The following TTC31 variants were observed in gnomAD, a reference collection of about 807,000 sequenced individuals.
TTC31 encodes the protein tetratricopeptide repeat protein 31.
In TTC31, 59 loss-of-function variants were observed where a neutral mutation model predicts 60.4. The ratio of observed to expected loss-of-function variants is 0.98; its 90% CI spans 0.79 to 1.21. TTC31 has a LOEUF of 1.21. Ranked by LOEUF, TTC31 falls within the 50% of genes most tolerant of loss-of-function variation. The pLI is 0.00. For synonymous variants in TTC31, 225 were observed against 249.6 expected (o/e 0.90, Z 0.93); for missense variants, 672 against 646.9 (o/e 1.04, Z -0.42).
intron 5 of TTC31, 113 bp from the exon 6 acceptor site, chr2:74,491,015 A>T (rs1673801635): frequency 1.4e-6 from 2 of 1,420,598 alleles, no homozygotes; most frequent in South Asian, 2.4e-5. Context: ...CAAAATGAGG[A>T]TAATAATGAT....
At position 74,492,013 on chromosome 2, in the gene TTC31, G is replaced by T. The variant is rs761753149; in HGVS notation, c.886G>T (p.Gly296Ter). 6.2e-7 allele frequency: 1 copy of T among 1,614,226 alleles called. No homozygotes were observed. The highest frequency in any genetic ancestry group is 1.7e-5 in the Admixed American group (1 of 60,026). Residue 296 changes from glycine (G) to a stop codon, truncating the protein, a stop_gained, in exon 9 of 13, where the codon GGA becomes TGA. Coordinates refer to ENST00000233623, the MANE Select transcript of TTC31 (RefSeq NM_022492.6). LOFTEE classifies it high-confidence loss of function. ...QQSPKVQASPGLLAAALQQSQ... is the reference protein window; with the variant it reads ...QQSPKVQASP Reference sequence around the variant, plus strand: ...TGCACCCTATCCCCAGGCATCTCCGGGACTGCTGGCAGCTGCCTTACAACA... The same window carrying T: ...TGCACCCTATCCCCAGGCATCTCCGTGACTGCTGGCAGCTGCCTTACAACA...
At chr2:74,486,264 C>CAA (rs879511005) in intron 2 of TTC31, among the ~76,000 whole-genome samples, 1 of 139,278 alleles carries the variant, frequency 7.2e-6, no homozygotes. Context: ...GACTCCGTCT[C>CAA]AAAAAAAAAA....
At chr2:74,483,855 G>T (rs1321043966) in intron 2 of TTC31, 1 of 207,508 alleles carries the variant, frequency 4.8e-6, no homozygotes, top group Non-Finnish European at 9.9e-6. Context: ...GTGGGTGGGG[G>T]ATCTCTTGAG....
At chr2:74,490,211 C>G in intron 3 of TTC31, 33 bp from the exon 4 acceptor site, 1 of 1,612,038 alleles carries the variant, frequency 6.2e-7, no homozygotes, top group Non-Finnish European at 8.5e-7. Context: ...CTCTCATGTC[C>G]TTTCTTTCCT....
rs1187967424 is a variant in TTC31 at position 74,493,063 on chromosome 2, C to T, written c.1405C>T (p.Pro469Ser). The change falls in exon 13 of 13, where the codon CCA (proline) becomes TCA (serine). Residue 469 changes from proline to serine, a missense_variant. By Grantham distance (74) the Pro-to-Ser change is moderately conservative. Transcript: ENST00000233623. ...STALRSPGLS[P>S]LLHYPSCHRS... is the part of the protein sequence containing the mutation. ...TGCTTTGAGGTCCCCTGGCCTGTCT[C>T]CACTCTTGCATTATCCTTCATGTCA... 3.1e-6 allele frequency: 5 copies of T among 1,614,152 alleles called. No individual in the cohort carries two copies. The highest frequency in any genetic ancestry group is 4.5e-5 in the East Asian group (2 of 44,886).
chr2:74,486,968 C>T (rs1375992263), intron 2 of TTC31, among the ~76,000 whole-genome samples: 2 of 151,342 alleles, frequency 1.3e-5, no homozygotes, highest in South Asian at 2.1e-4. Context: ...CTAAAAAGGA[C>T]GAAGGAGTGA....
At position 74,483,135 on chromosome 2, in the gene TTC31, G is replaced by C. The variant is rs1422736380; in HGVS notation, c.40G>C (p.Asp14His). 19 of 1,614,118 alleles carry C rather than the reference G, an allele frequency of 1.2e-5. 1 individual carries two copies. The highest frequency in any genetic ancestry group is 2.2e-5 in the South Asian group (2 of 91,090). Residue 14 changes from aspartate (D) to histidine (H), a missense_variant and splice_region_variant, in exon 1 of 13, where the codon GAC (aspartate) becomes CAC (histidine). Coordinates refer to ENST00000233623, the MANE Select transcript of TTC31 (RefSeq NM_022492.6). ...AAAGACTGTGGGGCGGATCAAGCTA[G>C]GTGAGCGGTATGACAAGACCAGTGG... ...IPKTVGRIKL[D>H]CSLRPSCPLE... is the part of the protein sequence containing the mutation.
At chr2:74,487,566 C>T (rs1673275233) in intron 2 of TTC31, among the ~76,000 whole-genome samples, 1 of 151,686 alleles carries the variant, frequency 6.6e-6, no homozygotes, top group African/African-American at 2.4e-5. Flanking sequence ...ATGATGACTA[C>T]ACTGGTTTGA....
chr2:74,485,903 C>T (rs1337135538), intron 2 of TTC31, among the ~76,000 whole-genome samples: 3 of 152,006 alleles, frequency 2.0e-5, no homozygotes, highest in Non-Finnish European at 4.4e-5. Flanking sequence ...CATGCCTGGC[C>T]GTCTCAGCAC....
Position 74,490,280 on chromosome 2 carries a change from C to T in TTC31, c.269C>T (p.Ser90Leu), listed in dbSNP as rs1673687490. Residue 90 changes from serine (S) to leucine (L), a missense_variant, in exon 4 of 13, where the codon TCA becomes TTA. Physicochemically the swap from Ser to Leu is moderately radical, Grantham distance 145 (BLOSUM62 -2). Coordinates refer to ENST00000233623, the MANE Select transcript of TTC31 (RefSeq NM_022492.6). ...GGCCACTTGGATGATGAAGGGAAATCAACTGGACAGAGTGACAGGGGCAAG... is the reference window on the plus strand; with the variant it reads ...GGCCACTTGGATGATGAAGGGAAATTAACTGGACAGAGTGACAGGGGCAAG... ...LLGHLDDEGK[S>L]TGQSDRGKGA... 2 of 1,613,980 alleles carry T rather than the reference C, an allele frequency of 1.2e-6. No homozygotes were observed. The highest frequency in any genetic ancestry group is 1.7e-5 in the Admixed American group (1 of 59,992).
intron 2 of TTC31, among the ~76,000 whole-genome samples, chr2:74,485,853 C>G (rs1203646031): frequency 6.6e-6 from 1 of 151,960 alleles, no homozygotes; most frequent in Non-Finnish European, 1.5e-5. Context: ...ATCCACCCTC[C>G]TTGACTTCCC....
chr2:74,483,645 T>C, intron 2 of TTC31: 1 of 1,367,430 alleles, frequency 7.3e-7, no homozygotes, highest in African/African-American at 1.5e-5. Context: ...GACAAGGGTC[T>C]CTGAGTTGAG....
Position 74,493,156 on chromosome 2 carries a change from G to C in TTC31, c.1498G>C (p.Asp500His), listed in dbSNP as rs983040746. 24 of 1,614,150 alleles carry C rather than the reference G, an allele frequency of 1.5e-5. No individual in the cohort carries two copies. The highest frequency in any genetic ancestry group is 1.7e-5 in the Non-Finnish European group (20 of 1,180,026). ...SRRPHPLKPQDPSKGWDILGL... is the reference protein window; with the variant it reads ...SRRPHPLKPQHPSKGWDILGL... ...AAGGCCCCATCCTCTCAAGCCCCAG[G>C]ACCCTTCAAAGGGCTGGGACATCCT... is the stretch of plus-strand genomic sequence containing the variant. Residue 500 changes from aspartate to histidine, a missense_variant, in exon 13 of 13, where the codon GAC (aspartate) becomes CAC (histidine). Physicochemically the swap from Asp to His is moderately conservative, Grantham distance 81 (BLOSUM62 -1). Coordinates refer to ENST00000233623, the MANE Select transcript of TTC31 (RefSeq NM_022492.6).
rs1380190913 is a variant in TTC31 at position 74,492,239 on chromosome 2, G to T, written c.1019+10G>T. ...ACCCCCAGGACCACCGGTAGGTGGG[G>T]GCTTGGCCAGGGCAGGGCAGAGTGT... On this transcript the variant is annotated intron_variant, in intron 10 of 12. Transcript: ENST00000233623. 6.2e-7 allele frequency: 1 copy of T among 1,614,234 alleles called. No homozygotes were observed. Among genetic ancestry groups the T allele is most frequent in the South Asian group, 1.1e-5 (1 of 91,084 alleles).
Position 74,492,211 on chromosome 2 carries a change from T to C in TTC31, c.1001T>C (p.Leu334Pro), listed in dbSNP as rs1673988386. 1.2e-6 allele frequency: 2 copies of C among 1,614,204 alleles called. No individual in the cohort carries two copies. The highest frequency in any genetic ancestry group is 1.3e-5 in the African/African-American group (1 of 75,062). ...GTCCTCTTCACCCAGGCCTTGAAGC[T>C]CAACCCCCAGGACCACCGGTAGGTG... ...AVVLFTQALK[L>P]NPQDHRLFGN... The change falls in exon 10 of 13, where the codon CTC (leucine) becomes CCC (proline). Residue 334 changes from leucine to proline, a missense_variant. Transcript: ENST00000233623.
chr2:74,483,458 C>T (rs1558578249), intron 2 of TTC31, 48 bp downstream of exon 2: 3 of 1,613,652 alleles, frequency 1.9e-6, no homozygotes, highest in Non-Finnish European at 2.5e-6. Context: ...TTTGGTCACG[C>T]CTCTTTGAAG....
chr2:74,483,231 G>A (rs1182471763), intron 1 of TTC31, 91 bp from the exon 2 acceptor site: 2 of 1,613,172 alleles, frequency 1.2e-6, no homozygotes. Flanking sequence ...AGGATTTTAT[G>A]CAGAGGGCGG....
chr2:74,484,991 T>A (rs2104095000), intron 2 of TTC31, among the ~76,000 whole-genome samples: 1 of 152,074 alleles, frequency 6.6e-6, no homozygotes, highest in East Asian at 1.9e-4. Context: ...CCCTTTCTTT[T>A]ACCTCAAACA....
At chr2:74,491,027 C>T (rs1487184250) in intron 5 of TTC31, 101 bp from the exon 6 acceptor site, 2 of 1,476,202 alleles carry the variant, frequency 1.4e-6, no homozygotes, top group Middle Eastern at 1.8e-4. Flanking sequence ...AATAATGATG[C>T]CTGTCTCATA....
Sources: gnomAD v4.1 joint callset for allele counts (sites outside exome capture counted in the v4.1 genomes callset) on GRCh38, gnomAD v4.1.1 for gene constraint, MANE v1.5 for transcripts, NCBI Gene and HGNC (gene_info 2026-07-23, HGNC 2026-07-21) for gene names.